Variants in TMEM181 observed in about 807,000 individuals in gnomAD.
TMEM181 encodes the protein G protein-coupled receptor 178.
Under a neutral mutation model 71.9 loss-of-function variants are expected in TMEM181, and 39 were observed. That is an observed-to-expected ratio of 0.54 (90% CI 0.42 to 0.71). The LOEUF is 0.71. TMEM181 is among the 30% of genes least tolerant of loss of function. The probability of loss-of-function intolerance (pLI) is 0.00; values close to 1 mark genes in which losing one functional copy is unlikely to be tolerated. For missense variants in TMEM181, 595 were observed against 583.0 expected, an observed-to-expected ratio of 1.02 and a Z score of -0.21; for synonymous variants, 245 against 228.8, an observed-to-expected ratio of 1.07 and a Z score of -0.64.
chr6:158,550,441 A>ATTGT (rs1294321979), intron 1 of TMEM181, among the ~76,000 whole-genome samples: 4 of 151,900 alleles, frequency 2.6e-5, no homozygotes, highest in Non-Finnish European at 4.4e-5. Flanking sequence ...GCGGATCACA[A>ATTGT]GGTCAAGAGA....
At chr6:158,596,967 C>G (rs1188237195) in intron 6 of TMEM181, among the ~76,000 whole-genome samples, 1 of 152,154 alleles carries the variant, frequency 6.6e-6, no homozygotes, top group Non-Finnish European at 1.5e-5. Context: ...ACAGCTAAAC[C>G]GTATCACTTC....
intron 1 of TMEM181, among the ~76,000 whole-genome samples, chr6:158,537,248 C>T (rs1488927167): frequency 1.3e-5 from 2 of 152,108 alleles, no homozygotes; most frequent in East Asian, 3.9e-4. Flanking sequence ...CCGCTCGGGC[C>T]TCACGCGGCG....
At chr6:158,575,897 C>A (rs552974334) in intron 2 of TMEM181, among the ~76,000 whole-genome samples, 1 of 152,264 alleles carries the variant, frequency 6.6e-6, no homozygotes, top group South Asian at 2.1e-4. Flanking sequence ...ACTGATATCA[C>A]CAGTTGATAG....
At chr6:158,574,568 A>G (rs970749498) in intron 2 of TMEM181, among the ~76,000 whole-genome samples, 2 of 152,150 alleles carry the variant, frequency 1.3e-5, no homozygotes, top group Non-Finnish European at 2.9e-5. Context: ...AACGTCCATG[A>G]TTATATCAAA....
intron 2 of TMEM181, 141 bp downstream of exon 2, chr6:158,573,664 G>C: frequency 2.8e-6 from 2 of 708,962 alleles, no homozygotes; most frequent in Non-Finnish European, 2.4e-6. Flanking sequence ...AGGGTGGATG[G>C]GGTCCCAGCC....
intron 6 of TMEM181, among the ~76,000 whole-genome samples, chr6:158,598,636 T>TA (rs1784509948): frequency 6.7e-6 from 1 of 148,748 alleles, no homozygotes; most frequent in South Asian, 2.1e-4. Context: ...TTTTTTTTTT[T>TA]ATTTTTATTT....
chr6:158,610,923 A>C (rs1170855795), intron 10 of TMEM181: 1 of 412,328 alleles, frequency 2.4e-6, no homozygotes, highest in African/African-American at 2.1e-5. Flanking sequence ...TGAGGGTTTC[A>C]GTGGGACGGG....
At chr6:158,548,794 A>G (rs188544275) in intron 1 of TMEM181, among the ~76,000 whole-genome samples, 11 of 152,364 alleles carry the variant, frequency 7.2e-5, no homozygotes, top group African/African-American at 2.2e-4. Flanking sequence ...GTGAAGTCAT[A>G]GGAGACAATG....
intron 1 of TMEM181, among the ~76,000 whole-genome samples, chr6:158,546,064 A>T (rs971369339): frequency 2.6e-5 from 4 of 152,160 alleles, no homozygotes; most frequent in Non-Finnish European, 5.9e-5. Context: ...TTTCTGATGT[A>T]TAAACCCATG....
At chr6:158,571,151 C>T (rs1362394422) in intron 1 of TMEM181, among the ~76,000 whole-genome samples, 1 of 151,894 alleles carries the variant, frequency 6.6e-6, no homozygotes, top group Non-Finnish European at 1.5e-5. Context: ...GGCTGAAGTG[C>T]AGTGGTGCCA....
chr6:158,585,554 G>T (rs1783721378), intron 5 of TMEM181, 129 bp downstream of exon 5: 3 of 1,194,968 alleles, frequency 2.5e-6, no homozygotes, highest in East Asian at 2.9e-5. Flanking sequence ...TGAAAAAAAT[G>T]GAGTCATACC....
At position 158,632,434 on chromosome 6, in the gene TMEM181, G is replaced by A. The variant is rs34023783; in HGVS notation, c.*546G>A. On this transcript the variant is annotated 3_prime_UTR_variant, in exon 17 of 17. Coordinates refer to ENST00000684151, the MANE Select transcript of TMEM181 (RefSeq NM_001376852.1). ...GTGATTGGTCAGTTATGTGGACTGC[G>A]TTTTGTGCAGTGTGTGAGTTATGAC... 25,920 of 156,762 alleles carry A rather than the reference G, an allele frequency of 0.17. 2,297 individuals carry two copies. The highest frequency in any genetic ancestry group is 0.22 in the African/African-American group (8,963 of 41,574). The allele number at this position is 156,762 out of a possible 1,614,324, so 9.7% of individuals were successfully genotyped here. A position where few individuals can be genotyped will look rare whatever the true frequency, so the allele number is the denominator to read the frequency against.
At chr6:158,611,116 C>A in intron 10 of TMEM181, 1 of 517,920 alleles carries the variant, frequency 1.9e-6, no homozygotes. Context: ...CAAGGGGCTC[C>A]TCAGTGGGTT....
At chr6:158,606,157 G>T (rs1438461599) in intron 7 of TMEM181, among the ~76,000 whole-genome samples, 2 of 152,076 alleles carry the variant, frequency 1.3e-5, no homozygotes, top group African/African-American at 4.8e-5. Flanking sequence ...GGAGCTGGAG[G>T]GAAGGGCGTG....
At chr6:158,619,285 C>T (rs541672891) in intron 10 of TMEM181, among the ~76,000 whole-genome samples, 3 of 152,318 alleles carry the variant, frequency 2.0e-5, no homozygotes, top group East Asian at 1.9e-4. Flanking sequence ...TTGATCGAAT[C>T]GGCTACTGAA....
At chr6:158,565,539 G>C (rs371801912) in intron 1 of TMEM181, among the ~76,000 whole-genome samples, 1 of 152,206 alleles carries the variant, frequency 6.6e-6, no homozygotes, top group East Asian at 1.9e-4. Context: ...ACAACGCTGG[G>C]GGGAGAAAGT....
chr6:158,550,319 A>G (rs895115778), intron 1 of TMEM181, among the ~76,000 whole-genome samples: 19 of 151,672 alleles, frequency 1.3e-4, no homozygotes, highest in East Asian at 2.0e-4. Context: ...TGCTGAGATC[A>G]CAGGCGTGAG....
chr6:158,591,131 T>A (rs969375708), intron 6 of TMEM181, among the ~76,000 whole-genome samples: 2 of 152,258 alleles, frequency 1.3e-5, no homozygotes, highest in African/African-American at 4.8e-5. Flanking sequence ...TGTTTCCATT[T>A]TTTTGGCTGT....
At chr6:158,621,115 T>C (rs1490701415) in intron 10 of TMEM181, among the ~76,000 whole-genome samples, 1 of 152,214 alleles carries the variant, frequency 6.6e-6, no homozygotes, top group Non-Finnish European at 1.5e-5. Context: ...TTAGCTTTCC[T>C]ATCTTGGTGC....
Sources: allele counts gnomAD v4.1 joint callset (sites outside exome capture counted in the v4.1 genomes callset), GRCh38; gene constraint gnomAD v4.1.1; transcripts MANE v1.5; gene names NCBI Gene and HGNC (gene_info 2026-07-23, HGNC 2026-07-21).